Variants in CCDC144A observed in about 807,000 individuals in gnomAD.
CCDC144A encodes the protein coiled-coil domain containing 144A.
Under a neutral mutation model 143.8 loss-of-function variants are expected in CCDC144A, and 41 were observed. The observed-to-expected ratio is 0.29, with a 90% CI of 0.22 to 0.37. The LOEUF is 0.37. CCDC144A is among the 10% of genes least tolerant of loss of function. The pLI is 1.00. For missense variants in CCDC144A, 637 were observed against 1,488.8 expected (o/e 0.43, Z 9.41); for synonymous variants, 242 against 517.9 (o/e 0.47, Z 7.23).
At chr17:16,685,441 C>T (rs541334090), upstream of CCDC144A, among the ~76,000 whole-genome samples, 2 of 151,658 alleles carry the variant, frequency 1.3e-5, no homozygotes, top group African/African-American at 2.4e-5. Context: ...GTGCAAATGG[C>T]GTGGTCTCGG....
the CCDC144A span, among the ~76,000 whole-genome samples, chr17:16,682,883 G>GTTTTTTTTT: frequency 4.7e-3 from 220 of 46,434 alleles, 83 homozygotes; most frequent in Non-Finnish European, 8.6e-3. Flanking sequence ...TGGATTCTCT[G>GTTTTTTTTT]TTTTTTTTTT....
At chr17:16,762,042 G>A (rs968808744) in intron 13 of CCDC144A, among the ~76,000 whole-genome samples, 11 of 152,182 alleles carry the variant, frequency 7.2e-5, no homozygotes, top group African/African-American at 1.9e-4. Flanking sequence ...TTTAAGTTAC[G>A]TTGTTCCACT....
At chr17:16,727,404 C>G in intron 8 of CCDC144A, 123 bp from the exon 9 acceptor site, 1 of 364,298 alleles carries the variant, frequency 2.7e-6, no homozygotes, top group South Asian at 2.4e-5. Context: ...GAATGTCTCC[C>G]ACTTTGTAGG....
chr17:16,670,576 G>C, the CCDC144A span, among the ~76,000 whole-genome samples: 1 of 151,840 alleles, frequency 6.6e-6, no homozygotes, highest in Non-Finnish European at 1.5e-5. Flanking sequence ...GGTCCTAACA[G>C]GGCTCACTGC....
intron 2 of CCDC144A, among the ~76,000 whole-genome samples, chr17:16,696,039 A>G (rs1176680466): frequency 1.3e-5 from 2 of 151,990 alleles, no homozygotes; most frequent in Non-Finnish European, 2.9e-5. Context: ...TTTTGAGACA[A>G]AGTCTCACTC....
At chr17:16,685,756 T>C (rs1297418883), upstream of CCDC144A, among the ~76,000 whole-genome samples, 3 of 152,212 alleles carry the variant, frequency 2.0e-5, no homozygotes, top group Admixed American at 1.3e-4. Flanking sequence ...TGATTGGTTC[T>C]GTTTTTTATT....
the CCDC144A span, chr17:16,683,983 T>C: frequency 3.8e-6 from 4 of 1,049,564 alleles, no homozygotes; most frequent in African/African-American, 1.6e-5. Context: ...GCATTAGACT[T>C]CCTGGGTGGC....
At chr17:16,759,468 A>T (rs1409205063) in intron 12 of CCDC144A, among the ~76,000 whole-genome samples, 1 of 152,116 alleles carries the variant, frequency 6.6e-6, no homozygotes, top group African/African-American at 2.4e-5. Context: ...TATAAAAAGG[A>T]TACTGAACCT....
At position 16,690,812 on chromosome 17, in the gene CCDC144A, C is replaced by T. The variant is rs1236609868; in HGVS notation, c.344+68C>T. Reference sequence around the variant, plus strand: ...GGCTTTCTGGTGCCCGCAGGCCCCACGGCACCCGGGATGGGGAAACGTCAG... The same window carrying T: ...GGCTTTCTGGTGCCCGCAGGCCCCATGGCACCCGGGATGGGGAAACGTCAG... On this transcript the variant is annotated intron_variant, in intron 1 of 16. Coordinates refer to ENST00000399273, the MANE Select transcript of CCDC144A (RefSeq NM_001382000.1). 156 of 1,495,708 alleles carry T rather than the reference C, an allele frequency of 1.0e-4. 2 individuals carry two copies. In the African/African-American group the frequency reaches 1.3e-3, roughly 13 times the overall value. 92.7% of individuals were successfully genotyped at this position (1,495,708 alleles called of 1,614,324 possible). A position where few individuals can be genotyped will look rare whatever the true frequency, so the allele number is the denominator to read the frequency against.
chr17:16,718,860 C>T, intron 6 of CCDC144A, among the ~76,000 whole-genome samples: 1 of 113,194 alleles, frequency 8.8e-6, no homozygotes, highest in Middle Eastern at 4.7e-3. Context: ...GAGACAGAGT[C>T]TTGCTCTTTC....
intron 2 of CCDC144A, among the ~76,000 whole-genome samples, chr17:16,700,415 T>C (rs1911668186): frequency 6.6e-6 from 1 of 152,152 alleles, no homozygotes; most frequent in Non-Finnish European, 1.5e-5. Context: ...CAGGAGGAAA[T>C]TAATTGTTCA....
chr17:16,741,990 G>A (rs1914276094), intron 12 of CCDC144A, among the ~76,000 whole-genome samples: 1 of 151,948 alleles, frequency 6.6e-6, no homozygotes, highest in African/African-American at 2.4e-5. Context: ...TTGGGAGGCT[G>A]AGGCAGGAGA....
At chr17:16,717,037 A>G (rs1912803429) in intron 6 of CCDC144A, among the ~76,000 whole-genome samples, 1 of 150,112 alleles carries the variant, frequency 6.7e-6, no homozygotes. Context: ...TCCTGACCTC[A>G]TGATCCGCCC....
the CCDC144A span, among the ~76,000 whole-genome samples, chr17:16,677,155 C>T: frequency 6.6e-6 from 1 of 152,084 alleles, no homozygotes; most frequent in East Asian, 1.9e-4. Context: ...TGCCTTCTCT[C>T]CTTCTGCACC....
At chr17:16,714,393 GA>G (rs1303707995) in intron 6 of CCDC144A, among the ~76,000 whole-genome samples, 5 of 152,118 alleles carry the variant, frequency 3.3e-5, no homozygotes, top group Admixed American at 6.5e-5. Flanking sequence ...TTGGGGTACC[GA>G]TATTCTTTCT....
In CCDC144A at chr17:16,735,044, C is replaced by T. The variant is rs559105918; in HGVS notation, c.2773C>T (p.Arg925Cys). Residue 925 changes from arginine (R) to cysteine (C), a missense_variant, in exon 12 of 17, where the codon CGT becomes TGT. Arg to Cys is a radical substitution (Grantham distance 180). Coordinates refer to ENST00000399273, the MANE Select transcript of CCDC144A (RefSeq NM_001382000.1). ...SYRCRLAAAVRDCDQSQTARD... is the reference protein window; with the variant it reads ...SYRCRLAAAVCDCDQSQTARD... The stretch of plus-strand genomic sequence containing the variant: ...CCGTTGTAGACTAGCTGCTGCTGTA[C>T]GTGACTGTGATCAAAGTCAGACAGC... 9.2e-5 allele frequency: 149 copies of T among 1,611,680 alleles called. 4 individuals carry two copies. The South Asian group carries it at 1.1e-3, about 12-fold the overall frequency.
At chr17:16,729,868 AT>A (rs199859629) in intron 9 of CCDC144A, among the ~76,000 whole-genome samples, 14,091 of 126,194 alleles carry the variant, frequency 0.11, 893 homozygotes, top group South Asian at 0.25. Flanking sequence ...AAAAAAAAAA[AT>A]ATATATATAT....
At chr17:16,713,537 A>G (rs1441531668) in intron 6 of CCDC144A, among the ~76,000 whole-genome samples, 2 of 152,226 alleles carry the variant, frequency 1.3e-5, no homozygotes, top group African/African-American at 4.8e-5. Context: ...TGATGAGTAT[A>G]AAATATTCTA....
intron 8 of CCDC144A, among the ~76,000 whole-genome samples, chr17:16,722,385 A>G (rs1913142761): frequency 6.6e-6 from 1 of 152,120 alleles, no homozygotes; most frequent in African/African-American, 2.4e-5. Flanking sequence ...TTTTAGCTTC[A>G]CAGCAAAATT....
Sources: allele counts gnomAD v4.1 joint callset (sites outside exome capture counted in the v4.1 genomes callset), GRCh38; gene constraint gnomAD v4.1.1; transcripts MANE v1.5; gene names NCBI Gene and HGNC (gene_info 2026-07-23, HGNC 2026-07-21).